The following SERPINB6 variants were observed in gnomAD, a reference collection of about 807,000 sequenced individuals.
SERPINB6 encodes the protein serpin family B member 6.
Under a neutral mutation model 26.1 loss-of-function variants are expected in SERPINB6, and 16 were observed. That is an observed-to-expected ratio of 0.61 (90% CI 0.42 to 0.93). The LOEUF (loss-of-function observed/expected upper bound fraction) is 0.93, where lower values mean the gene tolerates loss of function less well. Ranked by LOEUF, SERPINB6 falls within the 40% of genes least tolerant of loss-of-function variation. SERPINB6 has a pLI of 0.00. For synonymous variants in SERPINB6, 174 were observed against 176.6 expected (o/e 0.99, Z 0.11); for missense variants, 420 against 478.0 (o/e 0.88, Z 1.13).
rs747607627 is a variant in SERPINB6 at position 2,959,210 on chromosome 6, G to T, written c.123C>A (p.Val41=). The T allele has an allele frequency of 6.2e-7, 1 of 1,614,186 alleles. No homozygotes were observed. ...CGGTGTTTCCCTTTGCCCCCATGTA[G>T]ACCATGGCCAGGGCACAGGACATGC... is the stretch of plus-strand genomic sequence containing the variant. The part of the protein sequence containing the change: ...PMSMSCALAM[V]YMGAKGNTAA... Residue 41 remains valine, a synonymous_variant, in exon 2 of 7, where the codon GTC becomes GTA. Transcript: ENST00000380539.
intron 1 of SERPINB6, chr6:2,970,986 C>G (rs1772099340): frequency 8.6e-7 from 1 of 1,165,052 alleles, no homozygotes; most frequent in African/African-American, 2.8e-5. Context: ...CACCGTTTGG[C>G]GCCGAACCCC....
intron 5 of SERPINB6, among the ~76,000 whole-genome samples, chr6:2,949,906 C>T (rs1005121415): frequency 4.6e-5 from 7 of 152,172 alleles, no homozygotes; most frequent in African/African-American, 1.7e-4. Context: ...TGCCAGCAAA[C>T]CCAGTTCATC....
Position 2,948,420 on chromosome 6 carries a change from T to C in SERPINB6, c.1009A>G (p.Ile337Val). Residue 337 changes from isoleucine (I) to valine (V), a missense_variant, in exon 7 of 7, where the codon ATC (isoleucine) becomes GTC (valine). Physicochemically the swap from Ile to Val is conservative, Grantham distance 29. Coordinates refer to ENST00000380539, the MANE Select transcript of SERPINB6 (RefSeq NM_004568.6). The surrounding 1 kb of genome is among the most constrained non-coding windows in gnomAD (Gnocchi z 5.0). The part of the protein sequence containing the change: ...GTEAAAATAA[I>V]MMMRCARFVP... ...AATCTGGCACACCGCATCATCATGATGGCAGCTGTGGCGGCTGCAGCCTCC... is the reference window on the plus strand; with the variant it reads ...AATCTGGCACACCGCATCATCATGACGGCAGCTGTGGCGGCTGCAGCCTCC... 1 of 1,614,238 alleles carries C rather than the reference T, an allele frequency of 6.2e-7. No individual in the cohort carries two copies. The highest frequency in any genetic ancestry group is 8.5e-7 in the Non-Finnish European group (1 of 1,180,046).
chr6:2,948,768 G>A lies in SERPINB6; in HGVS notation c.730-69C>T. On this transcript the variant is annotated intron_variant, in intron 6 of 6. Coordinates refer to ENST00000380539, the MANE Select transcript of SERPINB6 (RefSeq NM_004568.6). This position sits in a 1 kb window ranked among gnomAD's most constrained non-coding sequence, Gnocchi z 5.0. ...GCCCAGCAGGGCCCTGTGCTATGCT[G>A]TGGATGCCAGACACCAGTGGCAGCG... 1.3e-6 allele frequency: 2 copies of A among 1,571,662 alleles called. No individual in the cohort carries two copies. Among genetic ancestry groups the A allele is most frequent in the Non-Finnish European group, 8.8e-7 (1 of 1,142,848 alleles).
chr6:2,952,860 G>A (rs1769965387), intron 5 of SERPINB6, among the ~76,000 whole-genome samples, 184 bp downstream of exon 5: 1 of 152,272 alleles, frequency 6.6e-6, no homozygotes, highest in Non-Finnish European at 1.5e-5. Context: ...GAGGGCTGCA[G>A]CTTCAGACTT....
intron 2 of SERPINB6, among the ~76,000 whole-genome samples, chr6:2,958,708 T>G (rs1407118863): frequency 6.6e-6 from 1 of 152,124 alleles, no homozygotes; most frequent in East Asian, 1.9e-4. Context: ...GGAAAGCTGC[T>G]AAGCTGGGAG....
Position 2,967,501 on chromosome 6 carries a change from C to G in SERPINB6, c.-11+4032G>C, listed in dbSNP as rs1771742651. On this transcript the variant is annotated intron_variant, in intron 1 of 6. Coordinates refer to ENST00000380539, the MANE Select transcript of SERPINB6 (RefSeq NM_004568.6). The surrounding 1 kb of genome is among the most constrained non-coding windows in gnomAD (Gnocchi z 4.3). Reference sequence around the variant, plus strand: ...CAAAAGAAACTATCAACAGAGTAAACAGCCAACCTACGGAATGGGAGAAAA... The same window carrying G: ...CAAAAGAAACTATCAACAGAGTAAAGAGCCAACCTACGGAATGGGAGAAAA... 1 of 152,236 alleles carries G rather than the reference C, an allele frequency of 6.6e-6. No individual in the cohort carries two copies. The highest frequency in any genetic ancestry group is 6.5e-5 in the Admixed American group (1 of 15,286). 9.4% of individuals were successfully genotyped at this position (152,236 alleles called of 1,614,324 possible).
intron 1 of SERPINB6, chr6:2,960,811 G>A (rs1424403641): frequency 1.3e-5 from 2 of 152,280 alleles, no homozygotes; most frequent in African/African-American, 2.4e-5. Context: ...AAGGGACTGT[G>A]CAGCACGATT....
chr6:2,961,856 A>G, intron 1 of SERPINB6: 9 of 984,690 alleles, frequency 9.1e-6, no homozygotes, highest in Non-Finnish European at 1.1e-5. Context: ...TTCTACCGTC[A>G]GCACACGTTT....
chr6:2,961,949 C>T (rs778132697), intron 1 of SERPINB6: 181 of 983,298 alleles, frequency 1.8e-4, no homozygotes, highest in Non-Finnish European at 2.1e-4. Context: ...TGCTCTCCAA[C>T]GCCTGGCCTC....
chr6:2,951,737 C>G (rs1364771827), intron 5 of SERPINB6, among the ~76,000 whole-genome samples: 1 of 152,222 alleles, frequency 6.6e-6, no homozygotes, highest in Non-Finnish European at 1.5e-5. Context: ...CCCCTTCCTT[C>G]ACCCTTCTTC....
intron 1 of SERPINB6, chr6:2,969,761 A>AGTGT (rs1225925740): frequency 2.3e-5 from 21 of 923,614 alleles, no homozygotes; most frequent in Middle Eastern, 1.1e-3. Context: ...TTCCTTGTGC[A>AGTGT]GTGTGTATGT....
At position 2,953,186 on chromosome 6, in the gene SERPINB6, C is replaced by G; in HGVS notation, c.431G>C (p.Gly144Ala). 6.2e-7 allele frequency: 1 copy of G among 1,614,188 alleles called. No homozygotes were observed. Among genetic ancestry groups the G allele is most frequent in the Non-Finnish European group, 8.5e-7 (1 of 1,180,028 alleles). ...INTWVAEKTE[G>A]KIAELLSPGS... ...CGGAGAGAGCAACTCCGCAATTTTA[C>G]CTGAGCGGAAGAATTCAAGACCGCA... Residue 144 changes from glycine to alanine, a missense_variant and splice_region_variant, in exon 5 of 7, where the codon GGT (glycine) becomes GCT (alanine). Coordinates refer to ENST00000380539, the MANE Select transcript of SERPINB6 (RefSeq NM_004568.6).
In SERPINB6 at chr6:2,969,346, T is replaced by C. The variant is rs527526037; in HGVS notation, c.-11+2187A>G. The C allele has an allele frequency of 1.5e-5, 15 of 983,580 alleles. 1 individual carries two copies. The East Asian group carries it at 6.8e-4, about 45-fold the overall frequency. 60.9% of individuals were successfully genotyped at this position (983,580 alleles called of 1,614,324 possible). ...AAATAAGATAGCTAAGTGTCCTTCA[T>C]ATATATATGTGAATACACATGTATA... On this transcript the variant is annotated intron_variant, in intron 1 of 6. Transcript: ENST00000380539.
At chr6:2,970,141 T>C (rs1125455) in intron 1 of SERPINB6, 313,842 of 984,424 alleles carry the variant, frequency 0.32, 50,926 homozygotes, top group East Asian at 0.45. Flanking sequence ...GTAAGGTGTG[T>C]GGTCTTCCCT....
In SERPINB6 at chr6:2,959,378, C is replaced by T. The variant is rs147758043; in HGVS notation, c.-10-36G>A. On this transcript the variant is annotated intron_variant, in intron 1 of 6. Coordinates refer to ENST00000380539, the MANE Select transcript of SERPINB6 (RefSeq NM_004568.6). ...ATTTAAAATCAGTATCACTTAAGCA[C>T]AGCTTCCACGCGACTGCATCTCACG... 8.9e-4 allele frequency: 1,438 copies of T among 1,607,050 alleles called. 18 individuals carry two copies. In the East Asian group the frequency reaches 0.015, roughly 16 times the overall value.
chr6:2,952,031 G>T (rs947817126), intron 5 of SERPINB6, among the ~76,000 whole-genome samples: 1 of 152,200 alleles, frequency 6.6e-6, no homozygotes, highest in Non-Finnish European at 1.5e-5. Context: ...ACCAGCCCAG[G>T]TCTCACCTGC....
At position 2,969,211 on chromosome 6, in the gene SERPINB6, T is replaced by A. The variant is rs375562794; in HGVS notation, c.-11+2322A>T. The A allele has an allele frequency of 7.9e-5, 78 of 986,414 alleles. No homozygotes were observed. The African/African-American group carries it at 1.3e-3, about 16-fold the overall frequency. 61.1% of individuals were successfully genotyped at this position (986,414 alleles called of 1,614,324 possible). On this transcript the variant is annotated intron_variant, in intron 1 of 6. Coordinates refer to ENST00000380539, the MANE Select transcript of SERPINB6 (RefSeq NM_004568.6). ...TGAGATTTTTCTATCGAGGGCTTTC[T>A]GTTATCCTTTCAGCAAACGTGTGAG...
At chr6:2,968,735 A>C (rs548329278) in intron 1 of SERPINB6, 1 of 1,231,526 alleles carries the variant, frequency 8.1e-7, no homozygotes, top group Non-Finnish European at 1.0e-6. Flanking sequence ...ATGTCAGTAC[A>C]TAGTTAAGAG....
Sources: gnomAD v4.1 joint callset for allele counts (sites outside exome capture counted in the v4.1 genomes callset) on GRCh38, gnomAD v4.1.1 for gene constraint, Gnocchi (gnomAD v3.1) non-coding constraint, MANE v1.5 for transcripts, NCBI Gene and HGNC (gene_info 2026-07-23, HGNC 2026-07-21) for gene names.